GALNT13: variants seen among roughly 807,000 people sequenced by gnomAD.
The protein encoded by GALNT13 is UDP-GalNAc:polypeptide N-acetylgalactosaminyltransferase 13.
Under a neutral mutation model 64.2 loss-of-function variants are expected in GALNT13, and 28 were observed. The observed-to-expected ratio is 0.44, with a 90% CI of 0.32 to 0.60. The LOEUF is 0.60. GALNT13 is among the 20% of genes least tolerant of loss of function. GALNT13 has a pLI of 0.05. For missense variants in GALNT13, 577 were observed against 669.8 expected (o/e 0.86, Z 1.53); for synonymous variants, 214 against 224.6 (o/e 0.95, Z 0.42).
the GALNT13 span, among the ~76,000 whole-genome samples, chr2:153,076,990 T>C: frequency 6.6e-6 from 1 of 152,048 alleles, no homozygotes; most frequent in East Asian, 1.9e-4. Flanking sequence ...CTTGCTCTTT[T>C]GCCCAGGCTG....
the GALNT13 span, among the ~76,000 whole-genome samples, chr2:153,519,754 A>C: frequency 6.6e-6 from 1 of 152,174 alleles, no homozygotes; most frequent in South Asian, 2.1e-4. Context: ...CCCCTGTAAG[A>C]AGCTAAAGTT....
At chr2:154,434,413 C>T (rs1478811506) in intron 11 of GALNT13, among the ~76,000 whole-genome samples, 1 of 152,148 alleles carries the variant, frequency 6.6e-6, no homozygotes, top group Non-Finnish European at 1.5e-5. Flanking sequence ...GCGCCCACCA[C>T]CACACCCTGC....
At chr2:154,003,833 C>T (rs762298449) in intron 3 of GALNT13, among the ~76,000 whole-genome samples, 96 of 152,278 alleles carry the variant, frequency 6.3e-4, no homozygotes, top group Non-Finnish European at 1.1e-3. Context: ...CTTCCTCCTT[C>T]TGTGACCATG....
At chr2:153,721,476 A>G in the GALNT13 span, among the ~76,000 whole-genome samples, 5 of 150,652 alleles carry the variant, frequency 3.3e-5, no homozygotes, top group South Asian at 2.1e-4. Flanking sequence ...AACTTTAAAT[A>G]TAAATGGACT....
At chr2:154,134,013 C>T (rs1682801785) in intron 3 of GALNT13, among the ~76,000 whole-genome samples, 1 of 152,058 alleles carries the variant, frequency 6.6e-6, no homozygotes, top group Admixed American at 6.6e-5. Flanking sequence ...AAAGTTGCTA[C>T]AGCAGGGGAA....
At chr2:153,097,922 TG>T in the GALNT13 span, among the ~76,000 whole-genome samples, 1 of 152,072 alleles carries the variant, frequency 6.6e-6, no homozygotes, top group African/African-American at 2.4e-5. Context: ...AAAAATTAGC[TG>T]GGCGTGGTCG....
At chr2:153,272,865 C>T in the GALNT13 span, among the ~76,000 whole-genome samples, 1 of 152,154 alleles carries the variant, frequency 6.6e-6, no homozygotes, top group Non-Finnish European at 1.5e-5. Flanking sequence ...TGGAATCAAC[C>T]CAGATGCCCA....
At chr2:154,022,102 T>C (rs1410379819) in intron 3 of GALNT13, among the ~76,000 whole-genome samples, 1 of 152,228 alleles carries the variant, frequency 6.6e-6, no homozygotes. Context: ...GGATTCGGTT[T>C]GCCAGTATTT....
intron 3 of GALNT13, among the ~76,000 whole-genome samples, chr2:154,063,581 A>T (rs1309382742): frequency 6.6e-6 from 1 of 152,060 alleles, no homozygotes; most frequent in African/African-American, 2.4e-5. Context: ...ATTTATTTGG[A>T]AGGGTGTGGA....
At chr2:153,690,200 A>G in the GALNT13 span, among the ~76,000 whole-genome samples, 2 of 152,110 alleles carry the variant, frequency 1.3e-5, no homozygotes, top group South Asian at 4.1e-4. Context: ...TCCTGAATAT[A>G]TTACTGAGAT....
At chr2:153,557,199 G>T in the GALNT13 span, among the ~76,000 whole-genome samples, 43 of 152,216 alleles carry the variant, frequency 2.8e-4, no homozygotes, top group Middle Eastern at 0.01. Flanking sequence ...TTAGCATTGT[G>T]CTACAGCTGC....
the GALNT13 span, among the ~76,000 whole-genome samples, chr2:153,651,682 T>C: frequency 6.6e-6 from 1 of 152,182 alleles, no homozygotes; most frequent in Non-Finnish European, 1.5e-5. Flanking sequence ...CAGTTTCTAA[T>C]AATGTATTAT....
the GALNT13 span, among the ~76,000 whole-genome samples, chr2:153,098,114 T>C: frequency 1.3e-5 from 2 of 152,308 alleles, no homozygotes; most frequent in Admixed American, 1.3e-4. Flanking sequence ...AGTTCCCTTA[T>C]AGCCATCACT....
At chr2:153,335,010 A>G in the GALNT13 span, among the ~76,000 whole-genome samples, 6 of 152,164 alleles carry the variant, frequency 3.9e-5, no homozygotes, top group African/African-American at 7.2e-5. Context: ...GTGATAGTGA[A>G]TAAGTCTCAT....
chr2:153,660,488 A>G, the GALNT13 span, among the ~76,000 whole-genome samples: 1 of 151,592 alleles, frequency 6.6e-6, no homozygotes, highest in Non-Finnish European at 1.5e-5. Flanking sequence ...CTTTGGCCTA[A>G]TCTTTTGGTT....
the GALNT13 span, among the ~76,000 whole-genome samples, chr2:153,749,110 G>T: frequency 1.3e-5 from 2 of 151,918 alleles, no homozygotes; most frequent in Admixed American, 6.6e-5. Context: ...TTATGTTCTT[G>T]ACACCTTGGT....
chr2:154,264,218 G>A (rs1690857069), intron 8 of GALNT13, among the ~76,000 whole-genome samples: 1 of 152,156 alleles, frequency 6.6e-6, no homozygotes, highest in Non-Finnish European at 1.5e-5. Flanking sequence ...AGGTCTCATT[G>A]CCCAGTGATG....
At chr2:154,085,421 G>T (rs1002573386) in intron 3 of GALNT13, among the ~76,000 whole-genome samples, 3 of 151,962 alleles carry the variant, frequency 2.0e-5, no homozygotes, top group African/African-American at 7.2e-5. Context: ...TAATTGTAGA[G>T]ATAATTACAT....
intron 9 of GALNT13, among the ~76,000 whole-genome samples, chr2:154,325,313 G>GA (rs1694822786): frequency 6.6e-6 from 1 of 152,056 alleles, no homozygotes; most frequent in South Asian, 2.1e-4. Context: ...TTCTCAATGT[G>GA]AAATGATTAT....
Sources: allele counts gnomAD v4.1 joint callset (sites outside exome capture counted in the v4.1 genomes callset), GRCh38; gene constraint gnomAD v4.1.1; transcripts MANE v1.5; gene names NCBI Gene and HGNC (gene_info 2026-07-23, HGNC 2026-07-21).